FUCA2: variants seen among roughly 807,000 people sequenced by gnomAD.
FUCA2 encodes the protein alpha-L-fucosidase 2.
FUCA2 carries 41 observed loss-of-function variants against 52.6 expected under a neutral mutation model. That is an observed-to-expected ratio of 0.78 (90% confidence interval 0.61 to 1.01). FUCA2 has a LOEUF of 1.01. Among genes scored for constraint, FUCA2 ranks in the 50% least tolerant of loss-of-function variants. FUCA2 has a pLI of 0.00. For synonymous variants in FUCA2, 211 were observed against 217.3 expected, an observed-to-expected ratio of 0.97 and a Z score of 0.26; for missense variants, 507 against 569.5, an observed-to-expected ratio of 0.89 and a Z score of 1.12.
chr6:143,511,402 C>G lies in FUCA2; in HGVS notation c.224+9G>C, dbSNP rs1206107132. ...GCGCGGCAGACGAGACAAAAGGGAG[C>G]GCACTCACCAGAACCACTCGCTACC... On this transcript the variant is annotated intron_variant, in intron 1 of 6. Coordinates refer to ENST00000002165, the MANE Select transcript of FUCA2 (RefSeq NM_032020.5). The surrounding 1 kb of genome is among the most constrained non-coding windows in gnomAD (Gnocchi z 6.3). 1 of 1,594,008 alleles carries G rather than the reference C, an allele frequency of 6.3e-7. No homozygotes were observed. The highest frequency in any genetic ancestry group is 8.6e-7 in the Non-Finnish European group (1 of 1,167,380).
rs1180775309 is a variant in FUCA2 at position 143,497,156 on chromosome 6, C to G, written c.1263+233G>C. The G allele has an allele frequency of 2.2e-6, 1 of 444,758 alleles. No homozygotes were observed. The highest frequency in any genetic ancestry group is 2.6e-5 in the South Asian group (1 of 38,948). 27.6% of individuals were successfully genotyped at this position (444,758 alleles called of 1,614,324 possible). ...AAAAAAAATTTTTGTAGACAGGGGTCTTGCTATGTTGCCCAGGCTAGTCTC... is the reference window on the plus strand; with the variant it reads ...AAAAAAAATTTTTGTAGACAGGGGTGTTGCTATGTTGCCCAGGCTAGTCTC... On this transcript the variant is annotated intron_variant, in intron 6 of 6. Coordinates refer to ENST00000002165, the MANE Select transcript of FUCA2 (RefSeq NM_032020.5). The surrounding 1 kb of genome is among the most constrained non-coding windows in gnomAD (Gnocchi z 5.3).
chr6:143,499,772 C>T lies in FUCA2; in HGVS notation c.1154+2160G>A, dbSNP rs1276946132. Among the ~76,000 whole-genome samples the T allele has an allele frequency of 1.3e-5, 2 of 152,038 alleles. No individual in the cohort carries two copies. The highest frequency in any genetic ancestry group is 2.9e-5 in the Non-Finnish European group (2 of 68,028). On this transcript the variant is annotated intron_variant, in intron 5 of 6. Coordinates refer to ENST00000002165, the MANE Select transcript of FUCA2 (RefSeq NM_032020.5). This position sits in a 1 kb window ranked among gnomAD's most constrained non-coding sequence, Gnocchi z 6.0. Reference sequence around the variant, plus strand: ...ATGTTATTGTGGGCCTTGAGAAGAGCAATTCTGGAGTGTGGGGGTGGAAGC... The same window carrying T: ...ATGTTATTGTGGGCCTTGAGAAGAGTAATTCTGGAGTGTGGGGGTGGAAGC...
rs2128421785 is a variant in FUCA2, at chr6:143,500,918, C to T, written c.1154+1014G>A. ...ATGGTGAGGAGGGAGAGCAGGACCACTCAGTGGCAGGGAAGTTGGTAGGAG... is the reference window on the plus strand; with the variant it reads ...ATGGTGAGGAGGGAGAGCAGGACCATTCAGTGGCAGGGAAGTTGGTAGGAG... On this transcript the variant is annotated intron_variant, in intron 5 of 6. Coordinates refer to ENST00000002165, the MANE Select transcript of FUCA2 (RefSeq NM_032020.5). This position sits in a 1 kb window ranked among gnomAD's most constrained non-coding sequence, Gnocchi z 6.9. 6.6e-6 allele frequency among the ~76,000 whole-genome samples: 1 copy of T among 152,238 alleles called. No individual in the cohort carries two copies. The highest frequency in any genetic ancestry group is 6.5e-5 in the Admixed American group (1 of 15,292).
chr6:143,502,654 A>G lies in FUCA2; in HGVS notation c.753-89T>C. On this transcript the variant is annotated intron_variant, in intron 3 of 6. Coordinates refer to ENST00000002165, the MANE Select transcript of FUCA2 (RefSeq NM_032020.5). This position sits in a 1 kb window ranked among gnomAD's most constrained non-coding sequence, Gnocchi z 4.1. ...CACTGAAAAGACATGTAATTGAAAT[A>G]CAATTCTGAAAAGGGACCATGGCAT... is the stretch of plus-strand genomic sequence containing the variant. 2 of 1,150,920 alleles carry G rather than the reference A, an allele frequency of 1.7e-6. No homozygotes were observed. The allele number at this position is 1,150,920 out of a possible 1,614,324, so 71.3% of individuals were successfully genotyped here.
rs1780475190 is a variant in FUCA2 at position 143,497,541 on chromosome 6, C to T, written c.1155-44G>A. 9.7e-7 allele frequency: 1 copy of T among 1,032,378 alleles called. No individual in the cohort carries two copies. Among genetic ancestry groups the T allele is most frequent in the East Asian group, 2.4e-5 (1 of 41,604 alleles). 64.0% of individuals were successfully genotyped at this position (1,032,378 alleles called of 1,614,324 possible). ...TAAAGAGCATAGTAGCAAGTTACAT[C>T]CCATGTTTCTCACTATTTATGGATC... is the stretch of plus-strand genomic sequence containing the variant. On this transcript the variant is annotated intron_variant, in intron 5 of 6. Transcript: ENST00000002165. The surrounding 1 kb of genome is among the most constrained non-coding windows in gnomAD (Gnocchi z 5.3).
At position 143,511,165 on chromosome 6, in the gene FUCA2, T is replaced by A. The variant is rs369453033; in HGVS notation, c.224+246A>T. ...GCGCAACTATGAAGAAGCTGAGGAG[T>A]CAGGAGTATCTGAAAACTCTTACAG... is the stretch of plus-strand genomic sequence containing the variant. On this transcript the variant is annotated intron_variant, in intron 1 of 6. Coordinates refer to ENST00000002165, the MANE Select transcript of FUCA2 (RefSeq NM_032020.5). This position sits in a 1 kb window ranked among gnomAD's most constrained non-coding sequence, Gnocchi z 6.3. Among the ~76,000 whole-genome samples, 7 of 151,724 alleles carry A rather than the reference T, an allele frequency of 4.6e-5. No individual in the cohort carries two copies. The highest frequency in any genetic ancestry group is 7.3e-5 in the African/African-American group (3 of 41,242).
chr6:143,508,212 G>T (rs1277497469), intron 1 of FUCA2, among the ~76,000 whole-genome samples: 2 of 152,222 alleles, frequency 1.3e-5, no homozygotes, highest in Non-Finnish European at 2.9e-5. Flanking sequence ...ACAATTACTT[G>T]CTATACGCAT....
intron 2 of FUCA2, chr6:143,505,993 G>C (rs1780600960): frequency 6.6e-6 from 1 of 152,042 alleles, no homozygotes; most frequent in South Asian, 2.1e-4. Context: ...CTAGACATCA[G>C]GAAATCAGCA....
rs912760399 is a variant in FUCA2, at chr6:143,509,783, A to G, written c.224+1628T>C. ...TTTTAGAAGGTGAATTATTTAAAAT[A>G]TGAATAATTCTCCATAGCTTATCCA... On this transcript the variant is annotated intron_variant, in intron 1 of 6. Transcript: ENST00000002165. This position sits in a 1 kb window ranked among gnomAD's most constrained non-coding sequence, Gnocchi z 5.4. 6.6e-6 allele frequency among the ~76,000 whole-genome samples: 1 copy of G among 152,244 alleles called. No homozygotes were observed. Among genetic ancestry groups the G allele is most frequent in the South Asian group, 2.1e-4 (1 of 4,830 alleles).
chr6:143,507,262 A>G lies in FUCA2; in HGVS notation c.387T>C (p.Ile129=). The change falls in exon 2 of 7, where the codon ATT becomes ATC. Residue 129 remains isoleucine (I), a synonymous_variant. Transcript: ENST00000002165. The surrounding 1 kb of genome is among the most constrained non-coding windows in gnomAD (Gnocchi z 4.5). ...DIFQASGAKY[I]VLTSKHHEGF... is the part of the protein sequence containing the mutation. ...CTTCATGATGTTTGGAAGTTAAGAC[A>G]ATGTATTTGGCACCAGAGGCCTGAA... 6.3e-7 allele frequency: 1 copy of G among 1,599,112 alleles called. No individual in the cohort carries two copies. Among genetic ancestry groups the G allele is most frequent in the Non-Finnish European group, 8.5e-7 (1 of 1,175,412 alleles).
rs763182948 is a variant in FUCA2 at position 143,511,065 on chromosome 6, G to T, written c.224+346C>A. Reference sequence around the variant, plus strand: ...GGCCATTGTGCCTGAGTCACCGCTCGTGTGATGCCCCTGCACAAACTGATG... The same window carrying T: ...GGCCATTGTGCCTGAGTCACCGCTCTTGTGATGCCCCTGCACAAACTGATG... On this transcript the variant is annotated intron_variant, in intron 1 of 6. Coordinates refer to ENST00000002165, the MANE Select transcript of FUCA2 (RefSeq NM_032020.5). The surrounding 1 kb of genome is among the most constrained non-coding windows in gnomAD (Gnocchi z 6.3). 1.3e-5 allele frequency among the ~76,000 whole-genome samples: 2 copies of T among 152,200 alleles called. No homozygotes were observed. Among genetic ancestry groups the T allele is most frequent in the South Asian group, 4.1e-4 (2 of 4,830 alleles).
In FUCA2 at chr6:143,510,725, G is replaced by C. The variant is rs1317570947; in HGVS notation, c.224+686C>G. 6.6e-6 allele frequency among the ~76,000 whole-genome samples: 1 copy of C among 151,500 alleles called. No homozygotes were observed. On this transcript the variant is annotated intron_variant, in intron 1 of 6. Coordinates refer to ENST00000002165, the MANE Select transcript of FUCA2 (RefSeq NM_032020.5). The surrounding 1 kb of genome is among the most constrained non-coding windows in gnomAD (Gnocchi z 4.4). ...TGTTTTGAAGGACTTAATACTTGTA[G>C]CATTTAGTCAGAAAAGACATGTGCA...
intron 6 of FUCA2, chr6:143,496,689 C>G (rs1051043480): frequency 2.0e-5 from 3 of 152,170 alleles, no homozygotes; most frequent in Non-Finnish European, 4.4e-5. Flanking sequence ...CTCTAACTTT[C>G]TCCAAAATGT....
At position 143,511,274 on chromosome 6, in the gene FUCA2, G is replaced by C. The variant is rs1562667680; in HGVS notation, c.224+137C>G. On this transcript the variant is annotated intron_variant, in intron 1 of 6. Transcript: ENST00000002165. The surrounding 1 kb of genome is among the most constrained non-coding windows in gnomAD (Gnocchi z 6.3). ...TATTCGACACCCGGAAGTGCGAAAC[G>C]CGGGTAACGCAGTGGGAGGTGAAAC... The C allele has an allele frequency of 2.9e-6, 2 of 696,550 alleles. No homozygotes were observed. The highest frequency in any genetic ancestry group is 2.4e-5 in the South Asian group (1 of 41,944). The allele number at this position is 696,550 out of a possible 1,614,324, so 43.1% of individuals were successfully genotyped here. A position where few individuals can be genotyped will look rare whatever the true frequency, so the allele number is the denominator to read the frequency against.
In FUCA2 at chr6:143,501,845, T is replaced by C. The variant is rs543052879; in HGVS notation, c.1154+87A>G. Reference sequence around the variant, plus strand: ...TATATGTAGGAATTCATCCAATTTCTCTTTTTATCCTACTCTTCTTTATAT... The same window carrying C: ...TATATGTAGGAATTCATCCAATTTCCCTTTTTATCCTACTCTTCTTTATAT... On this transcript the variant is annotated intron_variant, in intron 5 of 6. Coordinates refer to ENST00000002165, the MANE Select transcript of FUCA2 (RefSeq NM_032020.5). This position sits in a 1 kb window ranked among gnomAD's most constrained non-coding sequence, Gnocchi z 6.1. 12 of 1,220,778 alleles carry C rather than the reference T, an allele frequency of 9.8e-6. No homozygotes were observed. In the East Asian group the frequency reaches 2.8e-4, roughly 29 times the overall value. The allele number at this position is 1,220,778 out of a possible 1,614,324, so 75.6% of individuals were successfully genotyped here.
rs553472676 is a variant in FUCA2 at position 143,501,444 on chromosome 6, G to C, written c.1154+488C>G. On this transcript the variant is annotated intron_variant, in intron 5 of 6. Transcript: ENST00000002165. This position sits in a 1 kb window ranked among gnomAD's most constrained non-coding sequence, Gnocchi z 6.1. ...TGATTCGGGTACTCATTGACACACAGAACCTCCTCAAGCTCAGAGAGAAGC... is the reference window on the plus strand; with the variant it reads ...TGATTCGGGTACTCATTGACACACACAACCTCCTCAAGCTCAGAGAGAAGC... 1.8e-4 allele frequency among the ~76,000 whole-genome samples: 28 copies of C among 152,252 alleles called. No individual in the cohort carries two copies. In the East Asian group the frequency reaches 4.4e-3, roughly 24 times the overall value.
chr6:143,496,551 G>A (rs559638506), intron 6 of FUCA2: 6 of 152,262 alleles, frequency 3.9e-5, no homozygotes, highest in African/African-American at 1.4e-4. Flanking sequence ...ATGCAGAAAA[G>A]TGATGCAAGG....
chr6:143,511,501 T>TGGCG lies in FUCA2; in HGVS notation c.130_133dup (p.Gln45ProfsTer8), dbSNP rs763434966. The TGGCG allele has an allele frequency of 5.2e-5, 84 of 1,601,692 alleles. No homozygotes were observed. Among genetic ancestry groups the TGGCG allele is most frequent in the Non-Finnish European group, 6.9e-5 (81 of 1,174,350 alleles). On this transcript the variant is annotated frameshift_variant, in exon 1 of 7. Transcript: ENST00000002165. LOFTEE classifies it high-confidence loss of function. The surrounding 1 kb of genome is among the most constrained non-coding windows in gnomAD (Gnocchi z 6.3). ...GGCCTGGTCAAACCACGCGGGCAGC[T>TGGCG]GGCGGGCGTCCAGGGACTCCCAGGT...
chr6:143,497,957 G>C lies in FUCA2; in HGVS notation c.1155-460C>G, dbSNP rs1000582360. 6.6e-6 allele frequency among the ~76,000 whole-genome samples: 1 copy of C among 152,334 alleles called. No individual in the cohort carries two copies. Among genetic ancestry groups the C allele is most frequent in the East Asian group, 1.9e-4 (1 of 5,192 alleles). ...TTGTTCTTATGGAGCTTAGACTAGA[G>C]TGGGGAAAGCAGACACTAAACAATC... On this transcript the variant is annotated intron_variant, in intron 5 of 6. Transcript: ENST00000002165. The surrounding 1 kb of genome is among the most constrained non-coding windows in gnomAD (Gnocchi z 5.3).
Sources: allele counts gnomAD v4.1 joint callset (sites outside exome capture counted in the v4.1 genomes callset), GRCh38; gene constraint gnomAD v4.1.1; non-coding constraint Gnocchi (gnomAD v3.1); transcripts MANE v1.5; gene names NCBI Gene and HGNC (gene_info 2026-07-23, HGNC 2026-07-21).